The following SLC9A9 variants were observed in gnomAD, a reference collection of about 807,000 sequenced individuals.
The protein encoded by SLC9A9 is solute carrier family 9 member A9.
SLC9A9 carries 62 observed loss-of-function variants against 77.8 expected under a neutral mutation model. That is an observed-to-expected ratio of 0.80 (90% CI 0.65 to 0.98). The LOEUF (loss-of-function observed/expected upper bound fraction) is 0.98. SLC9A9 is among the 50% of genes least tolerant of loss of function. The probability of loss-of-function intolerance (pLI) is 0.00; values close to 1 mark genes in which losing one functional copy is unlikely to be tolerated. For synonymous variants in SLC9A9, 320 were observed against 283.5 expected (o/e 1.13, Z -1.29); for missense variants, 775 against 774.9 (o/e 1.00, Z 0.00).
At chr3:143,727,734 G>C (rs991750985) in intron 4 of SLC9A9, among the ~76,000 whole-genome samples, 3 of 152,142 alleles carry the variant, frequency 2.0e-5, no homozygotes, top group African/African-American at 7.2e-5. Flanking sequence ...TTATTTTACT[G>C]AGTACTTTCC....
chr3:143,325,077 GAA>G (rs74269489), intron 14 of SLC9A9, among the ~76,000 whole-genome samples: 4,680 of 77,940 alleles, frequency 0.06, 113 homozygotes, highest in Middle Eastern at 0.13. Context: ...TTATTAACCA[GAA>G]AAAAAAAAAA....
chr3:143,364,080 A>AT (rs1257903032), intron 13 of SLC9A9, among the ~76,000 whole-genome samples: 2 of 152,178 alleles, frequency 1.3e-5, no homozygotes, highest in African/African-American at 2.4e-5. Flanking sequence ...TGATAAGAAG[A>AT]TTGCAACAAT....
intron 9 of SLC9A9, among the ~76,000 whole-genome samples, chr3:143,537,477 A>G (rs1270574946): frequency 6.6e-6 from 1 of 152,138 alleles, no homozygotes; most frequent in Non-Finnish European, 1.5e-5. Flanking sequence ...GCCACCTGCC[A>G]CCTGCAATTT....
chr3:143,364,958 G>A (rs1364600692), intron 13 of SLC9A9, among the ~76,000 whole-genome samples: 1 of 152,076 alleles, frequency 6.6e-6, no homozygotes, highest in African/African-American at 2.4e-5. Context: ...TGTTAAATAG[G>A]TTTCTTAAAT....
chr3:143,290,590 GATA>G (rs2029909766), intron 14 of SLC9A9, among the ~76,000 whole-genome samples: 2 of 152,120 alleles, frequency 1.3e-5, no homozygotes, highest in Non-Finnish European at 2.9e-5. Context: ...ATAGAAAAAG[GATA>G]CATCAGATTG....
At chr3:143,616,065 C>T (rs1279104439) in intron 6 of SLC9A9, among the ~76,000 whole-genome samples, 1 of 151,754 alleles carries the variant, frequency 6.6e-6, no homozygotes, top group African/African-American at 2.4e-5. Flanking sequence ...TGGTATTTTT[C>T]GTAGAGACAG....
At chr3:143,342,112 A>C (rs1157547260) in intron 14 of SLC9A9, 1 of 152,220 alleles carries the variant, frequency 6.6e-6, no homozygotes, top group African/African-American at 2.4e-5. Context: ...TAAGGTTCAT[A>C]CTTTACTGAC....
At chr3:143,446,876 A>ATGTG (rs60912550) in intron 12 of SLC9A9, among the ~76,000 whole-genome samples, 40 of 148,506 alleles carry the variant, frequency 2.7e-4, no homozygotes, top group East Asian at 9.9e-4. Context: ...GTAGGTGTGT[A>ATGTG]TGTGTGTGTG....
At chr3:143,844,711 C>CTCTTTCTTTCTTTCTTTCTT (rs3031232) in intron 1 of SLC9A9, among the ~76,000 whole-genome samples, 2 of 95,818 alleles carry the variant, frequency 2.1e-5, no homozygotes, top group Admixed American at 2.1e-4. Flanking sequence ...AACTTTCTTT[C>CTCTTTCTTTCTTTCTTTCTT]TCTTTCTTTC....
chr3:143,693,153 G>C, intron 5 of SLC9A9, 39 bp downstream of exon 5: 1 of 1,479,518 alleles, frequency 6.8e-7, no homozygotes. Flanking sequence ...TTAAATGTTT[G>C]ATTCTTAAAA....
Position 143,790,825 on chromosome 3 carries a change from A to G in SLC9A9, c.533+4176T>C, listed in dbSNP as rs552570068. 7.6e-4 allele frequency among the ~76,000 whole-genome samples: 116 copies of G among 152,368 alleles called. 1 individual carries two copies. Among genetic ancestry groups the G allele is most frequent in the Middle Eastern group, 3.4e-3 (1 of 294 alleles). The stretch of plus-strand genomic sequence containing the variant: ...TCTTAAAATTAATTCTCCATTCCTG[A>G]TCATTCAATGTCCCTTTCTTTAAAT... On this transcript the variant is annotated intron_variant, in intron 4 of 15. Coordinates refer to ENST00000316549, the MANE Select transcript of SLC9A9 (RefSeq NM_173653.4).
chr3:143,611,361 C>G (rs1468201794), intron 6 of SLC9A9, among the ~76,000 whole-genome samples: 1 of 151,868 alleles, frequency 6.6e-6, no homozygotes, highest in African/African-American at 2.4e-5. Flanking sequence ...ATGAAATTAT[C>G]AAAGGAATGG....
intron 4 of SLC9A9, among the ~76,000 whole-genome samples, chr3:143,763,419 T>C (rs1159622334): frequency 6.6e-6 from 1 of 152,170 alleles, no homozygotes; most frequent in Non-Finnish European, 1.5e-5. Flanking sequence ...TTAAGGTAAA[T>C]GTCATTATAA....
chr3:143,725,637 C>CA (rs1934630290), intron 4 of SLC9A9, among the ~76,000 whole-genome samples: 1 of 130,980 alleles, frequency 7.6e-6, no homozygotes, highest in Middle Eastern at 3.7e-3. Context: ...ATCGTAAGGA[C>CA]AAAAAACCAA....
chr3:143,275,022 T>C (rs1389197255), intron 14 of SLC9A9, among the ~76,000 whole-genome samples: 1 of 152,184 alleles, frequency 6.6e-6, no homozygotes, highest in Non-Finnish European at 1.5e-5. Flanking sequence ...TTTTGTCAAT[T>C]TCTCTCTAGT....
intron 11 of SLC9A9, among the ~76,000 whole-genome samples, chr3:143,469,705 T>C (rs904651016): frequency 6.6e-6 from 1 of 152,196 alleles, no homozygotes; most frequent in South Asian, 2.1e-4. Context: ...AGAGACTTAA[T>C]ATGTTTTGCC....
chr3:143,482,581 C>T (rs1025208944), intron 11 of SLC9A9, among the ~76,000 whole-genome samples: 9 of 152,206 alleles, frequency 5.9e-5, no homozygotes, highest in Non-Finnish European at 1.3e-4. Flanking sequence ...CAGCTCTGCA[C>T]CCTGGCTCTT....
At chr3:143,612,938 T>C (rs1011635661) in intron 6 of SLC9A9, among the ~76,000 whole-genome samples, 3 of 152,180 alleles carry the variant, frequency 2.0e-5, no homozygotes, top group African/African-American at 4.8e-5. Context: ...TCCCCTAATG[T>C]AGAAAGATAT....
intron 4 of SLC9A9, among the ~76,000 whole-genome samples, chr3:143,764,609 C>T (rs900208796): frequency 6.6e-6 from 1 of 152,136 alleles, no homozygotes; most frequent in Non-Finnish European, 1.5e-5. Context: ...CTCTGTTGCC[C>T]AGGCTACAGT....
Sources: allele counts gnomAD v4.1 joint callset (sites outside exome capture counted in the v4.1 genomes callset), GRCh38; gene constraint gnomAD v4.1.1; transcripts MANE v1.5; gene names NCBI Gene and HGNC (gene_info 2026-07-23, HGNC 2026-07-21).